Variants in NMT1 observed in about 807,000 individuals in gnomAD.
NMT1 encodes N-myristoyltransferase 1.
NMT1 carries 12 observed loss-of-function variants against 63.4 expected under a neutral mutation model. That is an observed-to-expected ratio of 0.19 (90% CI 0.12 to 0.31). The LOEUF (loss-of-function observed/expected upper bound fraction) is 0.31. Among genes scored for constraint, NMT1 ranks in the 10% least tolerant of loss-of-function variants. The pLI is 1.00. For synonymous variants in NMT1, 228 were observed against 234.3 expected (o/e 0.97, Z 0.25); for missense variants, 432 against 634.6 (o/e 0.68, Z 3.43).
At chr17:45,085,323 A>G (rs2054045097) in intron 2 of NMT1, among the ~76,000 whole-genome samples, 1 of 152,176 alleles carries the variant, frequency 6.6e-6, no homozygotes, top group Non-Finnish European at 1.5e-5. Context: ...GCCCATGAGT[A>G]GGGGGCTGGC....
At position 45,105,732 on chromosome 17, in the gene NMT1, G is replaced by A; in HGVS notation, c.*93G>A. 1 of 1,313,538 alleles carries A rather than the reference G, an allele frequency of 7.6e-7. No individual in the cohort carries two copies. Among genetic ancestry groups the A allele is most frequent in the Non-Finnish European group, 1.1e-6 (1 of 919,570 alleles). 81.4% of individuals were successfully genotyped at this position (1,313,538 alleles called of 1,614,324 possible). A position where few individuals can be genotyped will look rare whatever the true frequency, so the allele number is the denominator to read the frequency against. ...GTTGGTCCAATTTTCACACACGTGAGAATCCCTGGCAAAGGGAGCAGAACT... is the reference window on the plus strand; with the variant it reads ...GTTGGTCCAATTTTCACACACGTGAAAATCCCTGGCAAAGGGAGCAGAACT... On this transcript the variant is annotated 3_prime_UTR_variant, in exon 12 of 12. Coordinates refer to ENST00000258960, the MANE Select transcript of NMT1 (RefSeq NM_021079.5). The surrounding 1 kb of genome is among the most constrained non-coding windows in gnomAD (Gnocchi z 4.2).
At chr17:45,081,951 G>A (rs562367944) in intron 2 of NMT1, among the ~76,000 whole-genome samples, 199 bp downstream of exon 2, 1 of 152,256 alleles carries the variant, frequency 6.6e-6, no homozygotes, top group African/African-American at 2.4e-5. Flanking sequence ...AGACACAGCA[G>A]GTCAGACACT....
In NMT1 at chr17:45,104,066, G is replaced by A. The variant is rs764058637; in HGVS notation, c.1332+190G>A. Reference sequence around the variant, plus strand: ...AACTTGGAGGGAACAAGGAGCATCCGAAGTGAAGGCATTGAACTCCTCCTG... The same window carrying A: ...AACTTGGAGGGAACAAGGAGCATCCAAAGTGAAGGCATTGAACTCCTCCTG... On this transcript the variant is annotated intron_variant, in intron 10 of 11. Coordinates refer to ENST00000258960, the MANE Select transcript of NMT1 (RefSeq NM_021079.5). The surrounding 1 kb of genome is among the most constrained non-coding windows in gnomAD (Gnocchi z 4.2). 5.3e-6 allele frequency: 8 copies of A among 1,521,230 alleles called. No individual in the cohort carries two copies. The highest frequency in any genetic ancestry group is 2.4e-5 in the South Asian group (2 of 83,168). The allele number at this position is 1,521,230 out of a possible 1,614,324, so 94.2% of individuals were successfully genotyped here. A position where few individuals can be genotyped will look rare whatever the true frequency, so the allele number is the denominator to read the frequency against.
intron 3 of NMT1, among the ~76,000 whole-genome samples, chr17:45,093,182 T>C (rs1019010482): frequency 6.6e-5 from 10 of 152,230 alleles, no homozygotes; most frequent in African/African-American, 2.4e-4. Flanking sequence ...GTTAACTGGC[T>C]CACGCTGCTG....
intron 1 of NMT1, among the ~76,000 whole-genome samples, chr17:45,080,432 T>C (rs886778373): frequency 2.0e-5 from 3 of 151,402 alleles, no homozygotes; most frequent in Non-Finnish European, 2.9e-5. Flanking sequence ...AGTGCTGAGA[T>C]TACAGGTGTG....
chr17:45,070,173 G>A (rs555143657), intron 1 of NMT1, among the ~76,000 whole-genome samples: 65 of 152,264 alleles, frequency 4.3e-4, no homozygotes, highest in South Asian at 3.5e-3. Context: ...AGGGAGGGCC[G>A]AGGGTGGCAG....
chr17:45,065,160 C>T (rs1475686348), intron 1 of NMT1, among the ~76,000 whole-genome samples: 1 of 152,090 alleles, frequency 6.6e-6, no homozygotes, highest in African/African-American at 2.4e-5. Context: ...ACTTAGTGGG[C>T]ATTAATGAGT....
chr17:45,090,398 G>GTCGTTCTTCT (rs5820558), intron 3 of NMT1, among the ~76,000 whole-genome samples: 59,830 of 151,670 alleles, frequency 0.39, 12,416 homozygotes, highest in Non-Finnish European at 0.44. Flanking sequence ...TCGAGATCAT[G>GTCGTTCTTCT]TCGTTCTTCT....
intron 1 of NMT1, among the ~76,000 whole-genome samples, chr17:45,067,800 C>CA (rs2053912557): frequency 6.6e-6 from 1 of 152,074 alleles, no homozygotes; most frequent in Non-Finnish European, 1.5e-5. Context: ...AGAAACTAAT[C>CA]AAGAGCTGCT....
chr17:45,099,293 G>A, intron 7 of NMT1, 112 bp from the exon 8 acceptor site: 3 of 733,186 alleles, frequency 4.1e-6, no homozygotes, highest in Non-Finnish European at 7.6e-6. Flanking sequence ...GACTCCGGAG[G>A]CACCTGATGT....
intron 3 of NMT1, among the ~76,000 whole-genome samples, chr17:45,091,284 G>A (rs372663309): frequency 8.0e-5 from 12 of 149,534 alleles, no homozygotes; most frequent in East Asian, 4.0e-4. Context: ...TCACCATGCC[G>A]GGTGGCATGT....
intron 8 of NMT1, among the ~76,000 whole-genome samples, chr17:45,100,275 G>C (rs1046277845): frequency 6.6e-6 from 1 of 151,992 alleles, no homozygotes; most frequent in Non-Finnish European, 1.5e-5. Flanking sequence ...TTATAGAAAC[G>C]GGGTTTTGCT....
rs1269977841 is a variant in NMT1, at chr17:45,105,876, A to C, written c.*237A>C. On this transcript the variant is annotated 3_prime_UTR_variant, in exon 12 of 12. Coordinates refer to ENST00000258960, the MANE Select transcript of NMT1 (RefSeq NM_021079.5). The surrounding 1 kb of genome is among the most constrained non-coding windows in gnomAD (Gnocchi z 4.2). ...GTGTTTTCCAGTTAATTACATCCTC[A>C]TGCAGCCGTGATCAAGGGAATGTAA... 9.8e-6 allele frequency: 5 copies of C among 512,518 alleles called. No homozygotes were observed. The highest frequency in any genetic ancestry group is 3.7e-5 in the East Asian group (1 of 27,260). 31.7% of individuals were successfully genotyped at this position (512,518 alleles called of 1,614,324 possible).
At chr17:45,077,414 G>A (rs2053985256) in intron 1 of NMT1, among the ~76,000 whole-genome samples, 1 of 152,116 alleles carries the variant, frequency 6.6e-6, no homozygotes, top group South Asian at 2.1e-4. Context: ...TTTTGAGATG[G>A]AGTTTTGATC....
intron 1 of NMT1, among the ~76,000 whole-genome samples, chr17:45,074,217 C>CTT (rs5820559): frequency 0.41 from 57,818 of 140,160 alleles, 12,355 homozygotes; most frequent in African/African-American, 0.45. Flanking sequence ...TAAAAGATGA[C>CTT]TTTTTTTTTT....
At chr17:45,091,280 T>C (rs1323796364) in intron 3 of NMT1, among the ~76,000 whole-genome samples, 1 of 148,680 alleles carries the variant, frequency 6.7e-6, no homozygotes, top group African/African-American at 2.5e-5. Flanking sequence ...GCCCTCACCA[T>C]GCCGGGTGGC....
chr17:45,097,359 G>A, intron 6 of NMT1, 115 bp downstream of exon 6: 1 of 839,752 alleles, frequency 1.2e-6, no homozygotes, highest in Non-Finnish European at 2.0e-6. Context: ...AAGGTCTCAG[G>A]AAGGGAGGAT....
rs142583737 is a variant in NMT1 at position 45,061,764 on chromosome 17, A to G, written c.131+304A>G. On this transcript the variant is annotated intron_variant, in intron 1 of 11. Transcript: ENST00000258960. Reference sequence around the variant, plus strand: ...TTGGACGATGGTTTTCGATGGTACAACACAGGACAGTCTAGTAACAGTACA... The same window carrying G: ...TTGGACGATGGTTTTCGATGGTACAGCACAGGACAGTCTAGTAACAGTACA... The G allele has an allele frequency of 2.4e-5, 7 of 296,112 alleles. No individual in the cohort carries two copies. The East Asian group carries it at 5.3e-4, about 22-fold the overall frequency. The allele number at this position is 296,112 out of a possible 1,614,324, so 18.3% of individuals were successfully genotyped here.
chr17:45,064,165 C>T (rs778474162), intron 1 of NMT1, among the ~76,000 whole-genome samples: 3 of 152,074 alleles, frequency 2.0e-5, no homozygotes, highest in Non-Finnish European at 2.9e-5. Context: ...AGCTTGGCAA[C>T]GGAGCGAGAC....
Sources: gnomAD v4.1 joint callset for allele counts (sites outside exome capture counted in the v4.1 genomes callset) on GRCh38, gnomAD v4.1.1 for gene constraint, Gnocchi (gnomAD v3.1) non-coding constraint, MANE v1.5 for transcripts, NCBI Gene and HGNC (gene_info 2026-07-23, HGNC 2026-07-21) for gene names.